Variants in SCGN observed in about 807,000 individuals in gnomAD.
The protein encoded by SCGN is secretagogin, EF-hand calcium binding protein.
Under a neutral mutation model 39.7 loss-of-function variants are expected in SCGN, and 30 were observed. That is an observed-to-expected ratio of 0.76 (90% CI 0.57 to 1.03). SCGN has a LOEUF of 1.03. Ranked by LOEUF, SCGN falls within the 50% of genes least tolerant of loss-of-function variation. The probability of loss-of-function intolerance (pLI) is 0.00; values close to 1 mark genes in which losing one functional copy is unlikely to be tolerated. For synonymous variants in SCGN, 106 were observed against 114.1 expected (o/e 0.93, Z 0.45); for missense variants, 353 against 349.4 (o/e 1.01, Z -0.08).
At chr6:25,684,680 C>T (rs1759681236) in intron 7 of SCGN, among the ~76,000 whole-genome samples, 1 of 152,054 alleles carries the variant, frequency 6.6e-6, no homozygotes, top group South Asian at 2.1e-4. Flanking sequence ...TGTGGTGGTG[C>T]ATGCCTGTAG....
chr6:25,671,917 T>A (rs1759502272), intron 6 of SCGN, among the ~76,000 whole-genome samples: 1 of 152,258 alleles, frequency 6.6e-6, no homozygotes, highest in Non-Finnish European at 1.5e-5. Flanking sequence ...ATGAATATAT[T>A]TTCATGTAGA....
At chr6:25,655,754 C>T (rs967600518) in intron 2 of SCGN, among the ~76,000 whole-genome samples, 5 of 152,166 alleles carry the variant, frequency 3.3e-5, no homozygotes, top group African/African-American at 4.8e-5. Flanking sequence ...ATTTTAAAAG[C>T]ACTCAAAGTC....
chr6:25,694,442 A>C (rs1259069739), intron 10 of SCGN, among the ~76,000 whole-genome samples: 3 of 152,192 alleles, frequency 2.0e-5, no homozygotes, highest in African/African-American at 7.2e-5. Context: ...TCTTCAATGG[A>C]TTTATATCAC....
intron 2 of SCGN, among the ~76,000 whole-genome samples, chr6:25,659,399 G>T (rs771125748): frequency 4.6e-5 from 7 of 152,208 alleles, no homozygotes; most frequent in Admixed American, 2.0e-4. Context: ...GCGGTGGAAA[G>T]TGCACTAGAC....
At chr6:25,655,108 C>T (rs1561759026) in intron 2 of SCGN, among the ~76,000 whole-genome samples, 1 of 152,320 alleles carries the variant, frequency 6.6e-6, no homozygotes, top group East Asian at 1.9e-4. Context: ...AGAAACCCAT[C>T]TTATCTATCA....
At chr6:25,695,705 A>G (rs967005834) in intron 10 of SCGN, among the ~76,000 whole-genome samples, 1 of 151,994 alleles carries the variant, frequency 6.6e-6, no homozygotes, top group Non-Finnish European at 1.5e-5. Flanking sequence ...TAATTTTTGT[A>G]TTTTTAGTAG....
chr6:25,701,062 T>C, intron 10 of SCGN, 145 bp from the exon 11 acceptor site: 1 of 751,118 alleles, frequency 1.3e-6, no homozygotes, highest in Non-Finnish European at 1.9e-6. Context: ...TTTGGTGGGA[T>C]GAGGCGATAG....
At chr6:25,685,322 G>T (rs1013139489) in intron 7 of SCGN, among the ~76,000 whole-genome samples, 3 of 152,162 alleles carry the variant, frequency 2.0e-5, no homozygotes, top group Non-Finnish European at 4.4e-5. Flanking sequence ...TTCCAGATAG[G>T]ATTTTTCTCT....
intron 6 of SCGN, among the ~76,000 whole-genome samples, chr6:25,674,801 C>T (rs577349455): frequency 5.3e-4 from 80 of 152,316 alleles, no homozygotes; most frequent in Non-Finnish European, 7.9e-4. Flanking sequence ...AGAAAGGAGA[C>T]AGCCTATTAT....
intron 1 of SCGN, among the ~76,000 whole-genome samples, chr6:25,652,913 A>G (rs984207173): frequency 1.3e-5 from 2 of 152,308 alleles, no homozygotes; most frequent in East Asian, 1.9e-4. Context: ...AATAAATTTT[A>G]TCAGCTTTCA....
chr6:25,664,312 G>A lies in SCGN; in HGVS notation c.247-631G>A, dbSNP rs140642838. ...ATTCCTGCTTTTGCACTGAAATATT[G>A]TATGTATACAACATCTTACCAGCAA... On this transcript the variant is annotated intron_variant, in intron 3 of 10. Transcript: ENST00000377961. 9.8e-5 allele frequency among the ~76,000 whole-genome samples: 15 copies of A among 152,308 alleles called. No homozygotes were observed. The East Asian group carries it at 2.9e-3, about 29-fold the overall frequency.
At chr6:25,675,051 A>C (rs1040507823) in intron 6 of SCGN, among the ~76,000 whole-genome samples, 1 of 152,214 alleles carries the variant, frequency 6.6e-6, no homozygotes, top group Non-Finnish European at 1.5e-5. Flanking sequence ...AAGAAAGAGA[A>C]ATAAGTTTTC....
intron 6 of SCGN, among the ~76,000 whole-genome samples, chr6:25,681,623 G>A (rs764038135): frequency 7.9e-5 from 12 of 152,150 alleles, no homozygotes; most frequent in Non-Finnish European, 1.6e-4. Context: ...TGGCAATCAG[G>A]AATGTGCCAG....
chr6:25,682,349 C>T (rs1375296382), intron 7 of SCGN, among the ~76,000 whole-genome samples: 13 of 149,214 alleles, frequency 8.7e-5, no homozygotes, highest in African/African-American at 2.7e-4. Context: ...GCTCTGGGAA[C>T]GTCGAGCAGT....
In SCGN at chr6:25,672,756, C is replaced by T. The variant is rs1415154605; in HGVS notation, c.471+2680C>T. On this transcript the variant is annotated intron_variant, in intron 6 of 10. Transcript: ENST00000377961. ...ATTTGCCCCCTGGGTTGAGAAGAGT[C>T]CTCAATGGGCAAGTATGGAATCAGG... Among the ~76,000 whole-genome samples, 4 of 152,272 alleles carry T rather than the reference C, an allele frequency of 2.6e-5. No homozygotes were observed. In the East Asian group the frequency reaches 7.7e-4, roughly 29 times the overall value.
intron 6 of SCGN, among the ~76,000 whole-genome samples, chr6:25,676,784 C>T (rs916120737): frequency 3.3e-5 from 5 of 151,956 alleles, no homozygotes; most frequent in African/African-American, 1.2e-4. Context: ...TCCCCTCTTC[C>T]ATCCCCTCTT....
At chr6:25,652,596 T>C in intron 1 of SCGN, 111 bp downstream of exon 1, 1 of 940,856 alleles carries the variant, frequency 1.1e-6, no homozygotes, top group South Asian at 1.5e-5. Flanking sequence ...TCGACCTGGG[T>C]TGTTAATGCA....
chr6:25,698,055 C>T (rs1193795678), intron 10 of SCGN, among the ~76,000 whole-genome samples: 1 of 152,196 alleles, frequency 6.6e-6, no homozygotes. Flanking sequence ...CCTATCTGCA[C>T]TTATATTAGT....
chr6:25,684,177 T>C (rs4711092), intron 7 of SCGN, among the ~76,000 whole-genome samples: 81,475 of 151,928 alleles, frequency 0.54, 22,074 homozygotes, highest in South Asian at 0.65. Flanking sequence ...GCAGGGACTA[T>C]GCTCTAATCC....
Sources: gnomAD v4.1 joint callset for allele counts (sites outside exome capture counted in the v4.1 genomes callset) on GRCh38, gnomAD v4.1.1 for gene constraint, MANE v1.5 for transcripts, NCBI Gene and HGNC (gene_info 2026-07-23, HGNC 2026-07-21) for gene names.